The following TMTC1 variants were observed in gnomAD, a reference collection of about 807,000 sequenced individuals.
The protein encoded by TMTC1 is protein O-mannosyl-transferase TMTC1.
Under a neutral mutation model 104.8 loss-of-function variants are expected in TMTC1, and 73 were observed. That is an observed-to-expected ratio of 0.70 (90% confidence interval 0.58 to 0.85). TMTC1 has a LOEUF of 0.85. Among genes scored for constraint, TMTC1 ranks in the 40% least tolerant of loss-of-function variants. The probability of loss-of-function intolerance (pLI) is 0.00; values close to 1 mark genes in which losing one functional copy is unlikely to be tolerated. For missense variants in TMTC1, 1,035 were observed against 1,096.1 expected, an observed-to-expected ratio of 0.94 and a Z score of 0.79; for synonymous variants, 434 against 428.7, an observed-to-expected ratio of 1.01 and a Z score of -0.15.
intron 1 of TMTC1, among the ~76,000 whole-genome samples, chr12:29,772,051 G>A (rs920871167): frequency 3.9e-5 from 6 of 152,142 alleles, no homozygotes; most frequent in African/African-American, 9.7e-5. Context: ...GCTCCCTAAG[G>A]GGAAACTACA....
chr12:29,634,194 C>A (rs147273890), intron 5 of TMTC1, among the ~76,000 whole-genome samples: 1 of 152,106 alleles, frequency 6.6e-6, no homozygotes, highest in Non-Finnish European at 1.5e-5. Flanking sequence ...TTACAACATG[C>A]CCCCAACCTC....
At chr12:29,700,326 G>A (rs940580945) in intron 5 of TMTC1, among the ~76,000 whole-genome samples, 24 of 150,598 alleles carry the variant, frequency 1.6e-4, no homozygotes, top group African/African-American at 3.4e-4. Context: ...TCCGCCTCCC[G>A]GGTTCACGCC....
At chr12:29,577,144 A>T (rs1347118817) in intron 8 of TMTC1, among the ~76,000 whole-genome samples, 1 of 151,934 alleles carries the variant, frequency 6.6e-6, no homozygotes, top group Non-Finnish European at 1.5e-5. Context: ...ACAGATGCTA[A>T]TTTTTTTTCT....
At chr12:29,757,646 GT>G (rs1178937428) in intron 3 of TMTC1, among the ~76,000 whole-genome samples, 2 of 152,114 alleles carry the variant, frequency 1.3e-5, no homozygotes, top group Non-Finnish European at 2.9e-5. Flanking sequence ...TTTCCAGGTT[GT>G]ATTAGTCTGT....
chr12:29,516,318 C>A (rs919640858), intron 15 of TMTC1, 31 bp downstream of exon 15: 2 of 1,596,364 alleles, frequency 1.3e-6, no homozygotes, highest in African/African-American at 1.3e-5. Flanking sequence ...ACCTATGAAT[C>A]CAAAGAACTC....
rs188335325 is a variant in TMTC1 at position 29,608,238 on chromosome 12, C to T, written c.1129-3939G>A. Among the ~76,000 whole-genome samples the T allele has an allele frequency of 2.6e-5, 4 of 152,248 alleles. No homozygotes were observed. The East Asian group carries it at 7.7e-4, about 29-fold the overall frequency. ...TAGAATGAGACAGACTAGGAGGGAA[C>T]CCGATTCTGTATCCTGTGGATCACT... On this transcript the variant is annotated intron_variant, in intron 6 of 17. Coordinates refer to ENST00000539277, the MANE Select transcript of TMTC1 (RefSeq NM_001193451.2).
At chr12:29,568,954 C>A (rs1442768244) in intron 9 of TMTC1, 2 of 455,844 alleles carry the variant, frequency 4.4e-6, no homozygotes, top group Non-Finnish European at 8.8e-6. Context: ...TTCTGAATCT[C>A]CAGCATAGAT....
At chr12:29,676,485 T>C (rs561867411) in intron 5 of TMTC1, among the ~76,000 whole-genome samples, 7 of 152,162 alleles carry the variant, frequency 4.6e-5, no homozygotes, top group Non-Finnish European at 8.8e-5. Context: ...AAGCAATAGA[T>C]GTTAATCAGG....
chr12:29,666,228 C>CTTTTTTTTT (rs751968439), intron 5 of TMTC1: 155 of 366,172 alleles, frequency 4.2e-4, no homozygotes, highest in African/African-American at 1.3e-3. Context: ...TTTCTTTTTT[C>CTTTTTTTTT]TTTTTTTTTT....
At chr12:29,668,289 G>A (rs149106537) in intron 5 of TMTC1, among the ~76,000 whole-genome samples, 1 of 152,134 alleles carries the variant, frequency 6.6e-6, no homozygotes, top group Non-Finnish European at 1.5e-5. Context: ...TCGCATGGCA[G>A]AAGAGCAGAA....
chr12:29,620,180 T>G (rs902348970), intron 6 of TMTC1, among the ~76,000 whole-genome samples: 10 of 152,216 alleles, frequency 6.6e-5, no homozygotes, highest in Admixed American at 5.9e-4. Flanking sequence ...GCTCCTCATG[T>G]GTCAGCCTCC....
chr12:29,544,824 T>G (rs1218500630), intron 10 of TMTC1, among the ~76,000 whole-genome samples: 2 of 152,202 alleles, frequency 1.3e-5, no homozygotes, highest in African/African-American at 4.8e-5. Context: ...AAAGGATGCT[T>G]TGATGATGCA....
chr12:29,620,061 T>C (rs1947090771), intron 6 of TMTC1, among the ~76,000 whole-genome samples: 2 of 152,118 alleles, frequency 1.3e-5, no homozygotes, highest in Admixed American at 6.5e-5. Context: ...AGGCAGTCAA[T>C]TGGATTTCTT....
intron 14 of TMTC1, 43 bp downstream of exon 14, chr12:29,517,384 C>A: frequency 6.2e-7 from 1 of 1,611,640 alleles, no homozygotes; most frequent in South Asian, 1.1e-5. Flanking sequence ...CTATGGCTGC[C>A]TGTGCTTAGG....
chr12:29,694,202 C>G (rs756762616), intron 5 of TMTC1, among the ~76,000 whole-genome samples: 1 of 152,290 alleles, frequency 6.6e-6, no homozygotes, highest in South Asian at 2.1e-4. Flanking sequence ...ACTCTCTACG[C>G]TTGCCTATGC....
intron 5 of TMTC1, among the ~76,000 whole-genome samples, chr12:29,654,474 G>A (rs1281412285): frequency 1.3e-5 from 2 of 152,198 alleles, no homozygotes; most frequent in East Asian, 3.8e-4. Context: ...AAAATAGAGA[G>A]AATGTGGAAT....
At chr12:29,723,699 C>A (rs1406012769) in intron 5 of TMTC1, among the ~76,000 whole-genome samples, 1 of 152,028 alleles carries the variant, frequency 6.6e-6, no homozygotes, top group Non-Finnish European at 1.5e-5. Context: ...CAAAGCAAGA[C>A]CCTGTCTCTA....
chr12:29,723,343 A>T (rs76065975), intron 5 of TMTC1, among the ~76,000 whole-genome samples: 1 of 152,226 alleles, frequency 6.6e-6, no homozygotes, highest in Non-Finnish European at 1.5e-5. Flanking sequence ...CCTACAAAGC[A>T]GTTATTATGA....
chr12:29,515,826 C>T (rs539804890), intron 15 of TMTC1, among the ~76,000 whole-genome samples: 1 of 149,314 alleles, frequency 6.7e-6, no homozygotes, highest in East Asian at 2.0e-4. Flanking sequence ...GGGCCTTCAA[C>T]AATTACTTCA....
Sources: gnomAD v4.1 joint callset for allele counts (sites outside exome capture counted in the v4.1 genomes callset) on GRCh38, gnomAD v4.1.1 for gene constraint, MANE v1.5 for transcripts, NCBI Gene and HGNC (gene_info 2026-07-23, HGNC 2026-07-21) for gene names.